KCNIP4: variants seen among roughly 807,000 people sequenced by gnomAD.
The protein encoded by KCNIP4 is Kv channel-interacting protein 4.
In KCNIP4, 12 loss-of-function variants were observed where a neutral mutation model predicts 34.0. That is an observed-to-expected ratio of 0.35 (90% CI 0.23 to 0.57). KCNIP4 has a LOEUF of 0.57. Ranked by LOEUF, KCNIP4 falls within the 20% of genes least tolerant of loss-of-function variation. The probability of loss-of-function intolerance (pLI) is 0.83; values close to 1 mark genes in which losing one functional copy is unlikely to be tolerated. For missense variants in KCNIP4, 238 were observed against 311.7 expected, an observed-to-expected ratio of 0.76 and a Z score of 1.78; for synonymous variants, 124 against 102.2, an observed-to-expected ratio of 1.21 and a Z score of -1.29.
chr4:20,730,481 G>A (rs945746072), intron 8 of KCNIP4, among the ~76,000 whole-genome samples: 3 of 151,860 alleles, frequency 2.0e-5, no homozygotes, highest in Non-Finnish European at 2.9e-5. Context: ...GGCATTCTAT[G>A]TAGATCACAG....
chr4:21,837,532 CAA>C lies in KCNIP4; in HGVS notation c.61+111037_61+111038del, dbSNP rs60449238. 1.1e-4 allele frequency among the ~76,000 whole-genome samples: 9 copies of C among 78,546 alleles called. No homozygotes were observed. In the East Asian group the frequency reaches 3.1e-3, roughly 27 times the overall value. The allele number at this position is 78,546 out of a possible 152,430, so 51.5% of individuals were successfully genotyped here. A position where few individuals can be genotyped will look rare whatever the true frequency, so the allele number is the denominator to read the frequency against. ...CTGGGCAACAAGAGCAAAACGCTGT[CAA>C]AAAAAAAAAAAAAGAAAAAGAAAAA... On this transcript the variant is annotated intron_variant, in intron 1 of 8. Transcript: ENST00000382152.
chr4:21,490,839 A>G (rs1040558595), intron 1 of KCNIP4, among the ~76,000 whole-genome samples: 1 of 152,044 alleles, frequency 6.6e-6, no homozygotes, highest in Non-Finnish European at 1.5e-5. Context: ...GGAAAAGTAG[A>G]GAGTATGTTA....
At chr4:21,319,917 G>T (rs1714190542) in intron 1 of KCNIP4, among the ~76,000 whole-genome samples, 1 of 152,172 alleles carries the variant, frequency 6.6e-6, no homozygotes, top group Non-Finnish European at 1.5e-5. Flanking sequence ...GATAGAACTG[G>T]TGAGTGTTTT....
At chr4:21,444,494 C>T (rs1416125522) in intron 1 of KCNIP4, among the ~76,000 whole-genome samples, 1 of 152,124 alleles carries the variant, frequency 6.6e-6, no homozygotes, top group African/African-American at 2.4e-5. Flanking sequence ...TAAACATAAT[C>T]CAGCATATAA....
intron 1 of KCNIP4, among the ~76,000 whole-genome samples, chr4:21,820,229 T>A (rs1030471595): frequency 2.7e-5 from 4 of 148,072 alleles, no homozygotes; most frequent in Admixed American, 6.8e-5. Context: ...AATAAATTAT[T>A]TTAAATGACA....
At chr4:20,789,007 AT>A (rs1230391550) in intron 3 of KCNIP4, among the ~76,000 whole-genome samples, 1 of 152,112 alleles carries the variant, frequency 6.6e-6, no homozygotes, top group African/African-American at 2.4e-5. Context: ...TCATTTCCAC[AT>A]TAAATTCTCA....
chr4:21,382,972 GAGAC>G (rs1476052128), intron 1 of KCNIP4, among the ~76,000 whole-genome samples: 1 of 152,138 alleles, frequency 6.6e-6, no homozygotes, highest in Non-Finnish European at 1.5e-5. Flanking sequence ...ACTGCATTTG[GAGAC>G]AGAGCATTTA....
intron 1 of KCNIP4, among the ~76,000 whole-genome samples, chr4:21,112,045 C>CTATCTATA: frequency 6.7e-6 from 1 of 148,648 alleles, no homozygotes; most frequent in African/African-American, 2.6e-5. Context: ...ATCTATCTAT[C>CTATCTATA]TATCTATCTA....
chr4:21,365,478 A>AAAATAAATAAAT (rs3048729), intron 1 of KCNIP4, among the ~76,000 whole-genome samples: 5,028 of 131,966 alleles, frequency 0.038, 114 homozygotes, highest in Middle Eastern at 0.053. Flanking sequence ...ACTGTCTCAA[A>AAAATAAATAAAT]AAATAAATAA....
At chr4:20,731,910 C>G in intron 8 of KCNIP4, 96 bp downstream of exon 8, 1 of 1,537,948 alleles carries the variant, frequency 6.5e-7, no homozygotes, top group Non-Finnish European at 8.8e-7. Flanking sequence ...GGCATATGAT[C>G]TCTATATTTC....
intron 1 of KCNIP4, among the ~76,000 whole-genome samples, chr4:21,777,401 T>C (rs567992041): frequency 6.6e-6 from 1 of 152,342 alleles, no homozygotes; most frequent in Admixed American, 6.5e-5. Flanking sequence ...CACTGTAATA[T>C]ACAATAATCA....
intron 2 of KCNIP4, among the ~76,000 whole-genome samples, chr4:20,852,642 A>G (rs1721157602): frequency 6.6e-6 from 1 of 152,156 alleles, no homozygotes; most frequent in Non-Finnish European, 1.5e-5. Context: ...CAGACAAGAG[A>G]AAGAAAACAA....
At chr4:21,321,834 GAAGGAAGGA>G (rs1340516434) in intron 1 of KCNIP4, among the ~76,000 whole-genome samples, 2 of 144,208 alleles carry the variant, frequency 1.4e-5, no homozygotes, top group Admixed American at 1.4e-4. Flanking sequence ...AAGAAGAAGG[GAAGGAAGGA>G]AAGGAAGGAA....
chr4:21,154,236 C>G (rs1752979099), intron 1 of KCNIP4, among the ~76,000 whole-genome samples: 1 of 152,140 alleles, frequency 6.6e-6, no homozygotes, highest in Non-Finnish European at 1.5e-5. Context: ...ATGGATACCC[C>G]AGTTACCCAG....
intron 1 of KCNIP4, among the ~76,000 whole-genome samples, chr4:21,051,352 T>A (rs1186938480): frequency 2.0e-5 from 3 of 152,224 alleles, no homozygotes; most frequent in African/African-American, 7.2e-5. Flanking sequence ...TGGTATTTGT[T>A]ATATATTTTA....
chr4:21,817,510 G>C (rs1722060229), intron 1 of KCNIP4, among the ~76,000 whole-genome samples: 1 of 152,124 alleles, frequency 6.6e-6, no homozygotes, highest in South Asian at 2.1e-4. Flanking sequence ...TGCCTGCGGG[G>C]TCGGGCAAAA....
In KCNIP4 at chr4:21,593,089, C is replaced by T. The variant is rs1742342376; in HGVS notation, c.61+355482G>A. On this transcript the variant is annotated intron_variant, in intron 1 of 8. Transcript: ENST00000382152. ...AAATGCTGCATTGCATATATTCATT[C>T]TGCAATTTAAATAATGTGTGTGTGT... Among the ~76,000 whole-genome samples the T allele has an allele frequency of 2.0e-5, 3 of 148,666 alleles. No homozygotes were observed. The Admixed American group carries it at 2.0e-4, about 10-fold the overall frequency.
At chr4:20,920,947 C>T (rs1159359731) in intron 1 of KCNIP4, among the ~76,000 whole-genome samples, 1 of 151,968 alleles carries the variant, frequency 6.6e-6, no homozygotes, top group Non-Finnish European at 1.5e-5. Context: ...CAAGTCACGC[C>T]ACTGCACTCA....
chr4:21,019,689 A>T (rs935706598), intron 1 of KCNIP4, among the ~76,000 whole-genome samples: 1 of 152,240 alleles, frequency 6.6e-6, no homozygotes, highest in Non-Finnish European at 1.5e-5. Flanking sequence ...ATACAGTGAC[A>T]TATATAATGC....
Sources: allele counts gnomAD v4.1 joint callset (sites outside exome capture counted in the v4.1 genomes callset), GRCh38; gene constraint gnomAD v4.1.1; transcripts MANE v1.5; gene names NCBI Gene and HGNC (gene_info 2026-07-23, HGNC 2026-07-21).